CTDSPL: variants seen among roughly 807,000 people sequenced by gnomAD.
The protein encoded by CTDSPL is CTD small phosphatase like, also known as CTD small phosphatase-like protein.
In CTDSPL, 8 loss-of-function variants were observed where a neutral mutation model predicts 30.5. That is an observed-to-expected ratio of 0.26 (90% CI 0.15 to 0.47). The LOEUF is 0.47. CTDSPL is among the 20% of genes least tolerant of loss of function. CTDSPL has a pLI of 0.99. For missense variants in CTDSPL, 248 were observed against 366.1 expected (o/e 0.68, Z 2.63); for synonymous variants, 110 against 137.9 (o/e 0.80, Z 1.42).
At chr3:37,865,096 G>A (rs1697994326) in intron 1 of CTDSPL, among the ~76,000 whole-genome samples, 1 of 152,206 alleles carries the variant, frequency 6.6e-6, no homozygotes, top group African/African-American at 2.4e-5. Flanking sequence ...ACATTGCCAC[G>A]TGGTGGTGCA....
At chr3:37,979,909 A>G (rs771370957) in intron 7 of CTDSPL, among the ~76,000 whole-genome samples, 5 of 152,208 alleles carry the variant, frequency 3.3e-5, no homozygotes, top group Non-Finnish European at 5.9e-5. Context: ...CATCAAAACT[A>G]TAAATAAAGA....
intron 3 of CTDSPL, among the ~76,000 whole-genome samples, chr3:37,962,368 G>T (rs1699253560): frequency 6.6e-6 from 1 of 152,190 alleles, no homozygotes. Flanking sequence ...CTAGCCTGTT[G>T]CCTCCCAACT....
intron 4 of CTDSPL, among the ~76,000 whole-genome samples, chr3:37,966,772 T>C (rs930766457): frequency 2.6e-5 from 4 of 152,204 alleles, no homozygotes; most frequent in Non-Finnish European, 4.4e-5. Context: ...TTGTGTGTAC[T>C]GTGATGGGCT....
chr3:37,897,923 T>A (rs1698406771), intron 1 of CTDSPL, among the ~76,000 whole-genome samples: 1 of 152,186 alleles, frequency 6.6e-6, no homozygotes. Flanking sequence ...TGATTATTTT[T>A]GGAGTGCCGG....
At chr3:37,895,867 AT>A (rs1369296878) in intron 1 of CTDSPL, among the ~76,000 whole-genome samples, 1 of 151,410 alleles carries the variant, frequency 6.6e-6, no homozygotes, top group African/African-American at 2.4e-5. Context: ...CTGAATGTAA[AT>A]TTCACCTCAA....
chr3:37,959,941 C>T (rs73058975), intron 3 of CTDSPL, among the ~76,000 whole-genome samples: 5,378 of 152,158 alleles, frequency 0.035, 113 homozygotes, highest in Non-Finnish European at 0.048. Flanking sequence ...CAGTGGCTCA[C>T]ACCTATAACC....
At chr3:37,972,321 A>T (rs1416289756) in intron 6 of CTDSPL, among the ~76,000 whole-genome samples, 1 of 152,096 alleles carries the variant, frequency 6.6e-6, no homozygotes, top group East Asian at 1.9e-4. Flanking sequence ...ACATGGTGAA[A>T]TCCCGTCTCA....
intron 1 of CTDSPL, among the ~76,000 whole-genome samples, chr3:37,924,251 T>C (rs1698754691): frequency 6.6e-6 from 1 of 152,216 alleles, no homozygotes; most frequent in Non-Finnish European, 1.5e-5. Context: ...TGAAAATAAA[T>C]TTTTCTAGGG....
At chr3:37,937,439 C>T (rs1336366872) in intron 1 of CTDSPL, among the ~76,000 whole-genome samples, 1 of 150,226 alleles carries the variant, frequency 6.7e-6, no homozygotes, top group Admixed American at 6.7e-5. Context: ...AAGAAAGGCT[C>T]CTCCTCACGT....
intron 1 of CTDSPL, among the ~76,000 whole-genome samples, chr3:37,874,456 C>A (rs146084932): frequency 1.3e-5 from 2 of 152,152 alleles, no homozygotes; most frequent in Admixed American, 6.5e-5. Context: ...CAAGGCCGGG[C>A]GCGGTGGCTC....
chr3:37,929,671 C>G (rs1395870481), intron 1 of CTDSPL, among the ~76,000 whole-genome samples: 3 of 152,178 alleles, frequency 2.0e-5, no homozygotes, highest in African/African-American at 7.2e-5. Context: ...TTAGTTCTAA[C>G]AGCTTTTCTG....
intron 1 of CTDSPL, among the ~76,000 whole-genome samples, chr3:37,923,471 T>C (rs1194300431): frequency 6.6e-6 from 1 of 152,222 alleles, no homozygotes; most frequent in Non-Finnish European, 1.5e-5. Context: ...TTATTCCATG[T>C]TCAGTCCCCA....
chr3:37,901,944 A>C (rs534449769), intron 1 of CTDSPL, among the ~76,000 whole-genome samples: 2 of 152,108 alleles, frequency 1.3e-5, no homozygotes, highest in Admixed American at 1.3e-4. Flanking sequence ...TGCCTATACT[A>C]TCCTTGGTAT....
At chr3:37,930,965 TC>T (rs1175026276) in intron 1 of CTDSPL, among the ~76,000 whole-genome samples, 1 of 152,178 alleles carries the variant, frequency 6.6e-6, no homozygotes, top group African/African-American at 2.4e-5. Flanking sequence ...TGACTTAAAG[TC>T]TTTTTGGTCT....
intron 3 of CTDSPL, among the ~76,000 whole-genome samples, chr3:37,961,050 GT>G (rs1421148674): frequency 6.6e-6 from 1 of 151,946 alleles, no homozygotes; most frequent in Non-Finnish European, 1.5e-5. Context: ...TATTTTAATA[GT>G]TTTTAATAGT....
chr3:37,926,131 G>A (rs1043023412), intron 1 of CTDSPL, among the ~76,000 whole-genome samples: 2 of 152,180 alleles, frequency 1.3e-5, no homozygotes, highest in African/African-American at 4.8e-5. Context: ...GGTAGCTGGG[G>A]AGAGGTCTGT....
In CTDSPL at chr3:37,967,890, A is replaced by G; in HGVS notation, c.426+8A>G. 1 of 1,577,392 alleles carries G rather than the reference A, an allele frequency of 6.3e-7. No homozygotes were observed. The highest frequency in any genetic ancestry group is 2.3e-5 in the East Asian group (1 of 44,382). ...GATGGAACTATACATCAGGTAAGAA[A>G]CTGAAGCTAAATTTGAGTTTCAATT... On this transcript the variant is annotated splice_region_variant and intron_variant, in intron 5 of 7. Transcript: ENST00000273179.
chr3:37,905,132 A>C (rs2125603038), intron 1 of CTDSPL, among the ~76,000 whole-genome samples: 1 of 152,372 alleles, frequency 6.6e-6, no homozygotes, highest in Admixed American at 6.5e-5. Context: ...AAGCTGAGCA[A>C]AAATGCTCTA....
At position 37,981,930 on chromosome 3, in the gene CTDSPL, G is replaced by C. The variant is rs757586131; in HGVS notation, c.*1063G>C. ...CACTGTTCTTTGCCACTGTGCCTAT[G>C]CTCAGAATATGCTCACTGCTAAGCT... On this transcript the variant is annotated 3_prime_UTR_variant, in exon 8 of 8. Transcript: ENST00000273179. 2.2e-6 allele frequency: 1 copy of C among 456,804 alleles called. No individual in the cohort carries two copies. The highest frequency in any genetic ancestry group is 6.9e-5 in the East Asian group (1 of 14,394). The allele number at this position is 456,804 out of a possible 1,614,324, so 28.3% of individuals were successfully genotyped here.
Sources: allele counts gnomAD v4.1 joint callset (sites outside exome capture counted in the v4.1 genomes callset), GRCh38; gene constraint gnomAD v4.1.1; transcripts MANE v1.5; gene names NCBI Gene and HGNC (gene_info 2026-07-23, HGNC 2026-07-21).